NAV3: variants seen among roughly 807,000 people sequenced by gnomAD.
NAV3 encodes the protein pore membrane and/or filament interacting like protein 1.
A neutral mutation model predicts 244.7 loss-of-function variants in NAV3; 87 were observed. That is an observed-to-expected ratio of 0.36 (90% CI 0.30 to 0.42). The LOEUF (loss-of-function observed/expected upper bound fraction) is 0.42, where lower values mean the gene tolerates loss of function less well. Among genes scored for constraint, NAV3 ranks in the 20% least tolerant of loss-of-function variants. The pLI, the probability that NAV3 is intolerant of heterozygous loss-of-function variation, is 1.00. For synonymous variants in NAV3, 1,126 were observed against 1,042.2 expected, an observed-to-expected ratio of 1.08 and a Z score of -1.55; for missense variants, 2,663 against 2,893.3, an observed-to-expected ratio of 0.92 and a Z score of 1.83.
At chr12:77,977,505 G>A (rs556162964) in intron 5 of NAV3, among the ~76,000 whole-genome samples, 14 of 151,978 alleles carry the variant, frequency 9.2e-5, no homozygotes, top group Admixed American at 7.2e-4. Flanking sequence ...TTAAAACTAC[G>A]GTTTGGTTCT....
chr12:78,061,738 T>C (rs1884356257), intron 12 of NAV3, among the ~76,000 whole-genome samples: 1 of 152,098 alleles, frequency 6.6e-6, no homozygotes, highest in African/African-American at 2.4e-5. Flanking sequence ...TTCAAAAATT[T>C]TTCTAAATTC....
At chr12:77,642,952 A>C (rs1872477485) in intron 2 of NAV3, among the ~76,000 whole-genome samples, 1 of 152,036 alleles carries the variant, frequency 6.6e-6, no homozygotes, top group Admixed American at 6.6e-5. Flanking sequence ...GATTTTCATA[A>C]ATCTTTTATA....
chr12:77,837,500 T>C (rs1412881388), intron 1 of NAV3, among the ~76,000 whole-genome samples: 3 of 152,074 alleles, frequency 2.0e-5, no homozygotes, highest in Non-Finnish European at 1.5e-5. Flanking sequence ...CACAATAGCC[T>C]TATGGCATAG....
intron 2 of NAV3, among the ~76,000 whole-genome samples, chr12:77,761,153 C>G (rs991014460): frequency 7.9e-5 from 12 of 152,078 alleles, no homozygotes; most frequent in African/African-American, 2.9e-4. Context: ...CCGCCTCCCA[C>G]GTTCAAGCGA....
chr12:77,954,791 T>G lies in NAV3; in HGVS notation c.415-11438T>G, dbSNP rs1184264912. 2.0e-5 allele frequency among the ~76,000 whole-genome samples: 3 copies of G among 152,178 alleles called. No individual in the cohort carries two copies. The East Asian group carries it at 5.8e-4, about 29-fold the overall frequency. On this transcript the variant is annotated intron_variant, in intron 3 of 39. Coordinates refer to ENST00000397909, the MANE Select transcript of NAV3 (RefSeq NM_001024383.2). ...AAAAATGAAATATACTAAAATAGGA[T>G]TTTTTAAAAAATTGGAGTGTATTTC...
At chr12:78,142,897 G>A (rs1284908481) in intron 20 of NAV3, among the ~76,000 whole-genome samples, 1 of 151,914 alleles carries the variant, frequency 6.6e-6, no homozygotes, top group Non-Finnish European at 1.5e-5. Flanking sequence ...GAATTGAAAA[G>A]TAAACTGTAG....
chr12:78,190,332 CT>C (rs138370446), intron 34 of NAV3, 113 bp downstream of exon 34: 98 of 802,472 alleles, frequency 1.2e-4, no homozygotes, highest in Non-Finnish European at 1.7e-4. Context: ...GAATATCCAT[CT>C]TTTTTTTACT....
At chr12:78,058,519 G>A (rs1883851541) in intron 11 of NAV3, among the ~76,000 whole-genome samples, 1 of 151,972 alleles carries the variant, frequency 6.6e-6, no homozygotes. Context: ...TTGTGACAGT[G>A]CAGTGACAGC....
chr12:77,854,055 C>A (rs1043207019), intron 1 of NAV3, among the ~76,000 whole-genome samples: 2 of 152,174 alleles, frequency 1.3e-5, no homozygotes, highest in Admixed American at 1.3e-4. Flanking sequence ...AAAAGCCTCA[C>A]CTTTTTGTCC....
intron 1 of NAV3, among the ~76,000 whole-genome samples, chr12:77,902,304 T>C (rs1021470892): frequency 1.3e-5 from 2 of 152,222 alleles, no homozygotes; most frequent in African/African-American, 4.8e-5. Flanking sequence ...AGCCATTTCA[T>C]AGAAAGAACT....
At chr12:78,199,064 A>G (rs774353008) in intron 36 of NAV3, 3 of 580,916 alleles carry the variant, frequency 5.2e-6, no homozygotes, top group South Asian at 3.1e-5. Context: ...ATTCTCCTAC[A>G]GAAGAGTGAT....
At chr12:78,088,005 C>T (rs1388483708) in intron 12 of NAV3, among the ~76,000 whole-genome samples, 3 of 150,958 alleles carry the variant, frequency 2.0e-5, no homozygotes, top group African/African-American at 4.9e-5. Flanking sequence ...TTAATGCTAC[C>T]ATTTTCTTTT....
chr12:77,704,471 A>C (rs947148174), intron 2 of NAV3, among the ~76,000 whole-genome samples: 5 of 152,176 alleles, frequency 3.3e-5, no homozygotes, highest in Non-Finnish European at 7.3e-5. Context: ...GATATCCAAA[A>C]TAGTATTGTG....
chr12:77,885,184 A>C lies in NAV3; in HGVS notation c.243+53480A>C, dbSNP rs576519694. Among the ~76,000 whole-genome samples, 4 of 152,258 alleles carry C rather than the reference A, an allele frequency of 2.6e-5. No individual in the cohort carries two copies. The East Asian group carries it at 7.7e-4, about 29-fold the overall frequency. ...ATATGGGTTAAGCAATTAAAATGTTAAACTTTTTAGGAGTTAATAAGTATT... is the reference window on the plus strand; with the variant it reads ...ATATGGGTTAAGCAATTAAAATGTTCAACTTTTTAGGAGTTAATAAGTATT... On this transcript the variant is annotated intron_variant, in intron 1 of 39. Transcript: ENST00000397909.
intron 1 of NAV3, among the ~76,000 whole-genome samples, chr12:77,936,513 A>G (rs1419413359): frequency 2.0e-5 from 3 of 152,132 alleles, no homozygotes; most frequent in Non-Finnish European, 4.4e-5. Context: ...ATTACCAAAC[A>G]CTGAATTATG....
intron 11 of NAV3, among the ~76,000 whole-genome samples, chr12:78,055,871 C>G (rs1314107693): frequency 1.3e-5 from 2 of 152,172 alleles, no homozygotes; most frequent in Non-Finnish European, 2.9e-5. Flanking sequence ...TGGCTAGTCT[C>G]TGCTGAACTC....
chr12:78,097,721 G>T (rs1423242927), intron 12 of NAV3, among the ~76,000 whole-genome samples: 1 of 151,994 alleles, frequency 6.6e-6, no homozygotes, highest in South Asian at 2.1e-4. Context: ...ATACTTTAAT[G>T]TAGCTGTTTC....
intron 2 of NAV3, among the ~76,000 whole-genome samples, chr12:77,738,846 T>TA (rs1015464767): frequency 2.0e-5 from 3 of 151,520 alleles, no homozygotes; most frequent in Non-Finnish European, 3.0e-5. Flanking sequence ...CCGTCTCTAC[T>TA]AAAAAATACA....
intron 1 of NAV3, among the ~76,000 whole-genome samples, chr12:77,832,099 A>C (rs1215751363): frequency 6.6e-6 from 1 of 152,220 alleles, no homozygotes; most frequent in African/African-American, 2.4e-5. Context: ...GTAATAATTC[A>C]TATAGACACC....
Sources: allele counts gnomAD v4.1 joint callset (sites outside exome capture counted in the v4.1 genomes callset), GRCh38; gene constraint gnomAD v4.1.1; transcripts MANE v1.5; gene names NCBI Gene and HGNC (gene_info 2026-07-23, HGNC 2026-07-21).